Variants in RUNX3 observed in about 807,000 individuals in gnomAD.
RUNX3 encodes the protein runt-related transcription factor 3.
In RUNX3, 10 loss-of-function variants were observed where a neutral mutation model predicts 27.7. That is an observed-to-expected ratio of 0.36 (90% confidence interval 0.22 to 0.61). The LOEUF (loss-of-function observed/expected upper bound fraction) is 0.61. RUNX3 is among the 20% of genes least tolerant of loss of function. The probability of loss-of-function intolerance (pLI) is 0.72; values close to 1 mark genes in which losing one functional copy is unlikely to be tolerated. For synonymous variants in RUNX3, 270 were observed against 269.2 expected (o/e 1.00, Z -0.03); for missense variants, 469 against 629.5 (o/e 0.75, Z 2.73).
At chr1:24,918,860 C>T (rs1640940063) in intron 3 of RUNX3, among the ~76,000 whole-genome samples, 2 of 152,216 alleles carry the variant, frequency 1.3e-5, no homozygotes, top group Non-Finnish European at 2.9e-5. Context: ...TCACTCCTGC[C>T]CTCCATGCAT....
chr1:24,917,253 A>C (rs964190904), intron 3 of RUNX3, among the ~76,000 whole-genome samples: 1 of 152,064 alleles, frequency 6.6e-6, no homozygotes, highest in African/African-American at 2.4e-5. Context: ...GCTCCTGTCC[A>C]TGCTGACCCT....
intron 2 of RUNX3, among the ~76,000 whole-genome samples, chr1:24,950,843 A>C (rs932196057): frequency 2.0e-5 from 3 of 152,168 alleles, no homozygotes; most frequent in Non-Finnish European, 2.9e-5. Flanking sequence ...GAAGGGCCCC[A>C]GGAGAGCTGA....
At position 24,942,178 on chromosome 1, in the gene RUNX3, G is replaced by C. The variant is rs562228197; in HGVS notation, c.59-12326C>G. Among the ~76,000 whole-genome samples, 3 of 152,250 alleles carry C rather than the reference G, an allele frequency of 2.0e-5. No homozygotes were observed. The South Asian group carries it at 6.2e-4, about 32-fold the overall frequency. ...TAGCAGCTCTGAGCTTAGATGAGGG[G>C]GGGAGATGAGATGGAAAGGAAAAGG... On this transcript the variant is annotated intron_variant, in intron 2 of 6. Coordinates refer to the RUNX3 transcript ENST00000338888.
chr1:24,909,868 A>C (rs1377671519), intron 3 of RUNX3, among the ~76,000 whole-genome samples: 1 of 152,194 alleles, frequency 6.6e-6, no homozygotes, highest in Non-Finnish European at 1.5e-5. Context: ...GGAGGCTGCC[A>C]GTCAGGCAGG....
chr1:24,952,214 A>T (rs1237890569), intron 2 of RUNX3, among the ~76,000 whole-genome samples: 1 of 152,184 alleles, frequency 6.6e-6, no homozygotes, highest in South Asian at 2.1e-4. Context: ...CCTTGAGAAG[A>T]TAATTTCCCC....
rs1641047650 is a variant in RUNX3 at position 24,923,936 on chromosome 1, C to T, written c.439+3638G>A. Among the ~76,000 whole-genome samples, 2 of 152,138 alleles carry T rather than the reference C, an allele frequency of 1.3e-5. No individual in the cohort carries two copies. Among genetic ancestry groups the T allele is most frequent in the Non-Finnish European group, 2.9e-5 (2 of 68,026 alleles). ...GGGGCATTTTTGGGATTTGTGGTGG[C>T]GTGTGGTCAACATAGTGTTGGGGTG... On this transcript the variant is annotated intron_variant, in intron 2 of 4. Coordinates refer to ENST00000308873, the MANE Select transcript of RUNX3 (RefSeq NM_004350.3). The surrounding 1 kb of genome is among the most constrained non-coding windows in gnomAD (Gnocchi z 5.9).
Position 24,925,107 on chromosome 1 carries a change from C to T in RUNX3, c.439+2467G>A, listed in dbSNP as rs1210870826. On this transcript the variant is annotated intron_variant, in intron 2 of 4. Transcript: ENST00000308873. ...AGGCAAGGGTTCTGGGTCCCAACCC[C>T]CAGTCTTAACTCCCAAAGTGTCCCA... 3.9e-5 allele frequency among the ~76,000 whole-genome samples: 6 copies of T among 152,320 alleles called. No individual in the cohort carries two copies. In the East Asian group the frequency reaches 1.2e-3, roughly 29 times the overall value.
Position 24,904,844 on chromosome 1 carries a change from C to T in RUNX3, c.704-2178G>A, listed in dbSNP as rs1640632529. 6.6e-6 allele frequency among the ~76,000 whole-genome samples: 1 copy of T among 152,200 alleles called. No homozygotes were observed. Among genetic ancestry groups the T allele is most frequent in the Non-Finnish European group, 1.5e-5 (1 of 68,018 alleles). On this transcript the variant is annotated intron_variant, in intron 4 of 4. Coordinates refer to ENST00000308873, the MANE Select transcript of RUNX3 (RefSeq NM_004350.3). This position sits in a 1 kb window ranked among gnomAD's most constrained non-coding sequence, Gnocchi z 5.7. ...ACTCCCTCAGACCCCCCAGCAGCTT[C>T]CTTGGAGCTCCTGTACCCCCACCCT...
At chr1:24,944,274 C>T (rs1641550681) in intron 2 of RUNX3, among the ~76,000 whole-genome samples, 1 of 152,184 alleles carries the variant, frequency 6.6e-6, no homozygotes, top group Admixed American at 6.5e-5. Context: ...TCACCCTGCT[C>T]CAGCCACCCT....
In RUNX3 at chr1:24,929,772, T is replaced by A; in HGVS notation, c.97A>T (p.Ser33Cys). 6.9e-7 allele frequency: 1 copy of A among 1,449,878 alleles called. No homozygotes were observed. Among genetic ancestry groups the A allele is most frequent in the Non-Finnish European group, 9.0e-7 (1 of 1,110,214 alleles). 89.8% of individuals were successfully genotyped at this position (1,449,878 alleles called of 1,614,324 possible). ...GCCGCCTGCGCGCTCAGCGCGCCGC[T>A]GTTCTCGCCCATCTTGCCGCCGCCG... ...GGGGGKMGEN[S>C]GALSAQAAVG... Residue 33 changes from serine to cysteine, a missense_variant, in exon 1 of 5, where the codon AGC becomes TGC. Around this residue, in one of 3 missense-constraint regions of RUNX3, gnomAD observed 115 missense variants for 118.0 expected, o/e 0.97. Coordinates refer to ENST00000308873, the MANE Select transcript of RUNX3 (RefSeq NM_004350.3).
chr1:24,918,153 G>A (rs1013735704), intron 3 of RUNX3, among the ~76,000 whole-genome samples: 3 of 152,190 alleles, frequency 2.0e-5, no homozygotes, highest in African/African-American at 4.8e-5. Flanking sequence ...CAGATGCTGG[G>A]ATGGGCCCAG....
At chr1:24,949,717 G>A (rs192951768) in intron 2 of RUNX3, among the ~76,000 whole-genome samples, 3 of 152,354 alleles carry the variant, frequency 2.0e-5, no homozygotes, top group East Asian at 1.9e-4. Context: ...TCATCCACGC[G>A]GCCTGGGCCA....
intron 2 of RUNX3, among the ~76,000 whole-genome samples, chr1:24,920,419 C>T (rs1007684088): frequency 4.6e-5 from 7 of 152,100 alleles, no homozygotes; most frequent in South Asian, 2.1e-4. Context: ...GTCACCCTCG[C>T]GTGTGAGGCT....
chr1:24,928,351 G>A (rs1426464594), intron 1 of RUNX3, among the ~76,000 whole-genome samples: 1 of 152,216 alleles, frequency 6.6e-6, no homozygotes, highest in Non-Finnish European at 1.5e-5. Context: ...TTTTGATAAT[G>A]GAAGGATGCA....
chr1:24,952,633 T>G (rs79245416), intron 2 of RUNX3, among the ~76,000 whole-genome samples: 5,626 of 152,302 alleles, frequency 0.037, 329 homozygotes, highest in African/African-American at 0.13. Flanking sequence ...TGGCTCCACC[T>G]CTACAGAAAT....
chr1:24,927,809 G>T lies in RUNX3; in HGVS notation c.283-79C>A, dbSNP rs1321870874. The T allele has an allele frequency of 5.4e-6, 7 of 1,292,576 alleles. No individual in the cohort carries two copies. The highest frequency in any genetic ancestry group is 7.8e-6 in the Non-Finnish European group (7 of 892,210). The allele number at this position is 1,292,576 out of a possible 1,614,324, so 80.1% of individuals were successfully genotyped here. On this transcript the variant is annotated intron_variant, in intron 1 of 4. Transcript: ENST00000308873. The surrounding 1 kb of genome is among the most constrained non-coding windows in gnomAD (Gnocchi z 5.0). ...GACCAGGGAAAGGAGGGGAGGGGCT[G>T]GGCTGGGCAGCTCCCCCAGGTCCCA...
chr1:24,936,503 T>C (rs1641352962), intron 2 of RUNX3, among the ~76,000 whole-genome samples: 1 of 152,204 alleles, frequency 6.6e-6, no homozygotes, highest in Admixed American at 6.5e-5. Context: ...AATTTTACAA[T>C]GTCAGACTCG....
chr1:24,936,292 A>C (rs1359596880), intron 2 of RUNX3, among the ~76,000 whole-genome samples: 1 of 152,210 alleles, frequency 6.6e-6, no homozygotes, highest in Non-Finnish European at 1.5e-5. Flanking sequence ...AAGAAAACTG[A>C]GGCTTAGAGA....
rs3085849 is a variant in RUNX3 at position 24,901,036 on chromosome 1, GTTTTTTTTTT to G, written c.*1076_*1085del. 6 of 116,908 alleles carry G rather than the reference GTTTTTTTTTT, an allele frequency of 5.1e-5. No homozygotes were observed. The highest frequency in any genetic ancestry group is 2.1e-4 in the African/African-American group (6 of 29,036). 7.2% of individuals were successfully genotyped at this position (116,908 alleles called of 1,614,324 possible). The stretch of plus-strand genomic sequence containing the variant: ...TGTTTTGTTTTTTTTTTGTTTTTTT[GTTTTTTTTTT>G]TTTTTTGCTCAGGACTATTTGCTTT... On this transcript the variant is annotated 3_prime_UTR_variant, in exon 5 of 5. Transcript: ENST00000308873.
Sources: gnomAD v4.1 joint callset for allele counts (sites outside exome capture counted in the v4.1 genomes callset) on GRCh38, gnomAD v4.1.1 for gene constraint, gnomAD v4.1.1 regional missense constraint, Gnocchi (gnomAD v3.1) non-coding constraint, MANE v1.5 for transcripts, NCBI Gene and HGNC (gene_info 2026-07-23, HGNC 2026-07-21) for gene names.